The following SYTL2 variants were observed in gnomAD, a reference collection of about 807,000 sequenced individuals.
The protein encoded by SYTL2 is synaptotagmin-like protein 2.
A neutral mutation model predicts 198.7 loss-of-function variants in SYTL2; 165 were observed. The ratio of observed to expected loss-of-function variants is 0.83; its 90% CI spans 0.73 to 0.94. SYTL2 has a LOEUF of 0.94. SYTL2 is among the 40% of genes least tolerant of loss of function. The probability of loss-of-function intolerance (pLI) is 0.00; values close to 1 mark genes in which losing one functional copy is unlikely to be tolerated. For missense variants in SYTL2, 2,835 were observed against 2,582.8 expected (o/e 1.10, Z -2.12); for synonymous variants, 966 against 917.7 (o/e 1.05, Z -0.95).
chr11:85,707,302 G>A, intron 15 of SYTL2, 127 bp downstream of exon 15: 1 of 645,318 alleles, frequency 1.5e-6, no homozygotes, highest in Middle Eastern at 2.5e-4. Flanking sequence ...AACAGTCTCA[G>A]AACATTTGTA....
chr11:85,838,822 T>C, the SYTL2 span, among the ~76,000 whole-genome samples: 25 of 152,320 alleles, frequency 1.6e-4, no homozygotes, highest in African/African-American at 6.0e-4. Context: ...ACATATATAA[T>C]AGTCATATGA....
At chr11:85,699,843 G>T (rs2083986157) in intron 17 of SYTL2, among the ~76,000 whole-genome samples, 1 of 152,146 alleles carries the variant, frequency 6.6e-6, no homozygotes, top group South Asian at 2.1e-4. Flanking sequence ...ACCTGACAAG[G>T]AGGCAATTAA....
intron 9 of SYTL2, chr11:85,719,313 GC>G: frequency 8.6e-7 from 1 of 1,156,216 alleles, no homozygotes; most frequent in South Asian, 1.8e-5. Context: ...GGGACCAGCT[GC>G]TAAGTGGAAT....
At chr11:85,780,998 C>A (rs2092550239) in intron 1 of SYTL2, among the ~76,000 whole-genome samples, 1 of 152,132 alleles carries the variant, frequency 6.6e-6, no homozygotes, top group African/African-American at 2.4e-5. Flanking sequence ...GTGGGGAAAA[C>A]CCCTGCACAT....
the SYTL2 span, among the ~76,000 whole-genome samples, chr11:85,826,650 G>T: frequency 1.6e-4 from 25 of 152,342 alleles, no homozygotes; most frequent in Middle Eastern, 3.4e-3. Context: ...GCTGATACTT[G>T]CTGAGCCTCT....
intron 1 of SYTL2, among the ~76,000 whole-genome samples, chr11:85,807,070 T>C (rs1156315583): frequency 6.6e-6 from 1 of 152,250 alleles, no homozygotes; most frequent in Admixed American, 6.5e-5. Flanking sequence ...GTGGCTCTCA[T>C]TGCTTCCTCT....
chr11:85,698,684 C>T, intron 17 of SYTL2, among the ~76,000 whole-genome samples: 1 of 152,120 alleles, frequency 6.6e-6, no homozygotes, highest in Non-Finnish European at 1.5e-5. Flanking sequence ...CAACTACAGG[C>T]ATGTGCCACC....
the SYTL2 span, among the ~76,000 whole-genome samples, chr11:85,846,353 G>A: frequency 3.9e-4 from 60 of 152,312 alleles, 1 homozygote; most frequent in East Asian, 0.01. Context: ...TTCAAGGAGA[G>A]GGAACAGAGA....
At chr11:85,810,532 G>A (rs1018535603) in intron 1 of SYTL2, among the ~76,000 whole-genome samples, 1 of 152,042 alleles carries the variant, frequency 6.6e-6, no homozygotes, top group Non-Finnish European at 1.5e-5. Flanking sequence ...TCCCCTGGCC[G>A]GCCCTTCCCA....
In SYTL2 at chr11:85,707,876, A is replaced by C. The variant is rs564307967; in HGVS notation, c.5916-345T>G. Among the ~76,000 whole-genome samples the C allele has an allele frequency of 2.8e-5, 4 of 141,786 alleles. No homozygotes were observed. The East Asian group carries it at 6.7e-4, about 24-fold the overall frequency. 93.0% of individuals were successfully genotyped at this position (141,786 alleles called of 152,430 possible). On this transcript the variant is annotated intron_variant, in intron 14 of 19. Transcript: ENST00000359152. ...TGTAATCCCAGCACTCTGGGAGGCCAAGGTGAGCAGATCACCTGAGGTCGG... is the reference window on the plus strand; with the variant it reads ...TGTAATCCCAGCACTCTGGGAGGCCCAGGTGAGCAGATCACCTGAGGTCGG...
intron 17 of SYTL2, among the ~76,000 whole-genome samples, chr11:85,699,329 C>T (rs936202312): frequency 6.6e-5 from 10 of 151,978 alleles, no homozygotes; most frequent in Admixed American, 2.0e-4. Flanking sequence ...AGAAAAACTA[C>T]GTGGACAAAA....
At chr11:85,731,481 G>C (rs1390063500) in intron 7 of SYTL2, among the ~76,000 whole-genome samples, 1 of 152,110 alleles carries the variant, frequency 6.6e-6, no homozygotes, top group Non-Finnish European at 1.5e-5. Context: ...CAAGCAATGG[G>C]GAAAGGATTC....
chr11:85,801,581 A>T (rs2092887638), intron 1 of SYTL2, among the ~76,000 whole-genome samples: 1 of 152,238 alleles, frequency 6.6e-6, no homozygotes. Context: ...GCAAACAAGT[A>T]TGCCAATCAA....
Position 85,726,749 on chromosome 11 carries a change from T to A in SYTL2, c.2609A>T (p.Asn870Ile), listed in dbSNP as rs1327838935. ...TTTAGATTTATTTGAGGAATAAGAA[T>A]TGGAGAGCTGGGATGCTTGATCATC... ...DEDDQASQLS[N>I]SYSSNKSKET... The change falls in exon 8 of 20, where the codon AAT becomes ATT. Residue 870 changes from asparagine to isoleucine, a missense_variant. By Grantham distance (149) the Asn-to-Ile change is moderately radical. Around this residue, in one of 3 missense-constraint regions of SYTL2, gnomAD observed 2,645 missense variants for 2,381.7 expected, o/e 1.11. Coordinates refer to ENST00000359152, the MANE Select transcript of SYTL2 (RefSeq NM_206927.4). The A allele has an allele frequency of 6.5e-7, 1 of 1,536,140 alleles. No individual in the cohort carries two copies. The highest frequency in any genetic ancestry group is 2.0e-5 in the Admixed American group (1 of 51,004).
chr11:85,775,843 C>A (rs2092442441), intron 1 of SYTL2, among the ~76,000 whole-genome samples: 1 of 152,138 alleles, frequency 6.6e-6, no homozygotes, highest in African/African-American at 2.4e-5. Context: ...CAAGATCACA[C>A]AGGTGTTAAG....
intron 1 of SYTL2, among the ~76,000 whole-genome samples, chr11:85,764,318 G>A (rs2092180886): frequency 6.6e-6 from 1 of 152,178 alleles, no homozygotes; most frequent in African/African-American, 2.4e-5. Flanking sequence ...CGCAGGCGGT[G>A]CTAAGCCCTT....
rs745742483 is a variant in SYTL2, at chr11:85,725,982, T to C, written c.3376A>G (p.Lys1126Glu). Reference sequence around the variant, plus strand: ...TCATTAAAAGTGTCTTTGCAGTCTTTAGACAAAACATTGGTTTTTATTATG... The same window carrying C: ...TCATTAAAAGTGTCTTTGCAGTCTTCAGACAAAACATTGGTTTTTATTATG... ...ESIIKTNVLS[K>E]DCKDTFNDSL... The change falls in exon 8 of 20, where the codon AAA becomes GAA. Residue 1126 changes from lysine (K) to glutamate (E), a missense_variant. Lys to Glu is a moderately conservative substitution (Grantham distance 56). Around this residue, in one of 3 missense-constraint regions of SYTL2, gnomAD observed 2,645 missense variants for 2,381.7 expected, o/e 1.11. Transcript: ENST00000359152. 2.5e-6 allele frequency: 4 copies of C among 1,613,996 alleles called. No homozygotes were observed. Among genetic ancestry groups the C allele is most frequent in the Middle Eastern group, 1.6e-4 (1 of 6,084 alleles).
At chr11:85,846,444 T>C in the SYTL2 span, among the ~76,000 whole-genome samples, 1 of 152,070 alleles carries the variant, frequency 6.6e-6, no homozygotes, top group African/African-American at 2.4e-5. Context: ...TTTTGTTTTT[T>C]TGAGACAGAG....
intron 2 of SYTL2, among the ~76,000 whole-genome samples, chr11:85,753,430 G>C (rs951754207): frequency 3.9e-5 from 6 of 152,064 alleles, no homozygotes; most frequent in Non-Finnish European, 4.4e-5. Flanking sequence ...CAGTGTGGTA[G>C]CAACAGTGAT....
Sources: gnomAD v4.1 joint callset for allele counts (sites outside exome capture counted in the v4.1 genomes callset) on GRCh38, gnomAD v4.1.1 for gene constraint, gnomAD v4.1.1 regional missense constraint, MANE v1.5 for transcripts, NCBI Gene and HGNC (gene_info 2026-07-23, HGNC 2026-07-21) for gene names.